The following METTL22 variants were observed in gnomAD, a reference collection of about 807,000 sequenced individuals.
The protein encoded by METTL22 is methyltransferase 22, Kin17 lysine.
A neutral mutation model predicts 48.4 loss-of-function variants in METTL22; 51 were observed. The observed-to-expected ratio is 1.05, with a 90% CI of 0.84 to 1.33. METTL22 has a LOEUF of 1.33. Among genes scored for constraint, METTL22 ranks in the 40% most tolerant of loss-of-function variants. The probability of loss-of-function intolerance (pLI) is 0.00; values close to 1 mark genes in which losing one functional copy is unlikely to be tolerated. For synonymous variants in METTL22, 255 were observed against 214.1 expected (o/e 1.19, Z -1.67); for missense variants, 678 against 526.9 (o/e 1.29, Z -2.81).
At chr16:8,629,465 A>G (rs1031697070) in intron 3 of METTL22, among the ~76,000 whole-genome samples, 9 of 152,112 alleles carry the variant, frequency 5.9e-5, no homozygotes, top group Non-Finnish European at 8.8e-5. Context: ...CTCTTGCTCT[A>G]ACTCAGCGTG....
At chr16:8,623,312 GAA>G (rs567766667) in intron 1 of METTL22, among the ~76,000 whole-genome samples, 23 of 119,466 alleles carry the variant, frequency 1.9e-4, no homozygotes, top group African/African-American at 6.4e-4. Context: ...CTCTGTCTCA[GAA>G]AAAAAAAAAA....
At chr16:8,650,934 G>C (rs951910444), downstream of METTL22, among the ~76,000 whole-genome samples, 5 of 152,162 alleles carry the variant, frequency 3.3e-5, no homozygotes, top group Non-Finnish European at 7.3e-5. Flanking sequence ...TGAGGCAGGA[G>C]AATTGGAACC....
At chr16:8,652,204 A>G (rs2141837694), downstream of METTL22, among the ~76,000 whole-genome samples, 1 of 152,196 alleles carries the variant, frequency 6.6e-6, no homozygotes, top group African/African-American at 2.4e-5. Flanking sequence ...CAAGCCTGTT[A>G]TCCCAGCACT....
At chr16:8,641,253 G>A in intron 7 of METTL22, 69 bp downstream of exon 7, 1 of 1,519,398 alleles carries the variant, frequency 6.6e-7, no homozygotes, top group Non-Finnish European at 9.1e-7. Context: ...AGTGCCCCTG[G>A]CTCTGTGGTT....
At chr16:8,652,458 CAAAAAAAA>C (rs3058559), downstream of METTL22, among the ~76,000 whole-genome samples, 4 of 46,144 alleles carry the variant, frequency 8.7e-5, no homozygotes, top group Non-Finnish European at 1.6e-4. Flanking sequence ...GACTCCGTCT[CAAAAAAAA>C]AAAAAAAAAA....
At position 8,625,658 on chromosome 16, in the gene METTL22, C is replaced by T; in HGVS notation, c.-8C>T. 6.2e-7 allele frequency: 1 copy of T among 1,614,016 alleles called. No homozygotes were observed. The highest frequency in any genetic ancestry group is 1.1e-5 in the South Asian group (1 of 91,078). On this transcript the variant is annotated 5_prime_UTR_variant, in exon 2 of 11. Transcript: ENST00000381920. ...CTCCTGTCCTAGGACTAAGGTGGAGCCTGGGCCATGGTACAGCTGGCTCCT... is the reference window on the plus strand; with the variant it reads ...CTCCTGTCCTAGGACTAAGGTGGAGTCTGGGCCATGGTACAGCTGGCTCCT...
At chr16:8,631,795 C>T (rs1894862) in intron 3 of METTL22, 150,459 of 152,366 alleles carry the variant, frequency 0.99, 74,322 homozygotes, top group Middle Eastern at 1. Context: ...TTTATGTTCT[C>T]ATGATACCTT....
rs1343309694 is a variant in METTL22 at position 8,628,761 on chromosome 16, C to G, written c.165C>G (p.Ser55Arg). The change falls in exon 3 of 11, where the codon AGC becomes AGG. Residue 55 changes from serine to arginine, a missense_variant. Physicochemically the swap from Ser to Arg is moderately radical, Grantham distance 110. Transcript: ENST00000381920. ...TGTCCCAATTCAAGCTTCTATGGAG[C>G]CAAGACTCTTGGACAGATTCAGGAG... ...VFLSQFKLLW[S>R]QDSWTDSGAK... 3 of 1,613,936 alleles carry G rather than the reference C, an allele frequency of 1.9e-6. No individual in the cohort carries two copies. Among genetic ancestry groups the G allele is most frequent in the Admixed American group, 1.7e-5 (1 of 60,010 alleles).
In METTL22 at chr16:8,640,996, G is replaced by A. The variant is rs868857115; in HGVS notation, c.773-135G>A. On this transcript the variant is annotated intron_variant, in intron 6 of 10. Transcript: ENST00000381920. ...TGGCTGGCTGGCTGTAAAGATGGAA[G>A]GGCAGGAAGGTGGATGGGTGAGAGC... The A allele has an allele frequency of 4.6e-5, 32 of 702,722 alleles. No individual in the cohort carries two copies. The African/African-American group carries it at 5.0e-4, about 11-fold the overall frequency. 43.5% of individuals were successfully genotyped at this position (702,722 alleles called of 1,614,324 possible). A position where few individuals can be genotyped will look rare whatever the true frequency, so the allele number is the denominator to read the frequency against.
At chr16:8,622,307 C>A (rs1307590665) in intron 1 of METTL22, among the ~76,000 whole-genome samples, 1 of 152,212 alleles carries the variant, frequency 6.6e-6, no homozygotes, top group Non-Finnish European at 1.5e-5. Context: ...GAAGTTATTT[C>A]AACACCGTGA....
intron 3 of METTL22, among the ~76,000 whole-genome samples, chr16:8,630,081 A>G (rs1340877585): frequency 6.6e-6 from 1 of 152,078 alleles, no homozygotes; most frequent in Non-Finnish European, 1.5e-5. Context: ...AGGGTCCCCG[A>G]TGGTGTCTTG....
intron 5 of METTL22, among the ~76,000 whole-genome samples, chr16:8,636,559 T>C (rs1017407958): frequency 1.3e-5 from 2 of 150,536 alleles, no homozygotes; most frequent in South Asian, 2.1e-4. Context: ...TATATGACTT[T>C]TAATGACCAG....
downstream of METTL22, among the ~76,000 whole-genome samples, chr16:8,650,149 G>C (rs1490859129): frequency 6.6e-6 from 1 of 152,184 alleles, no homozygotes; most frequent in Non-Finnish European, 1.5e-5. Flanking sequence ...AACATACAGA[G>C]ACCCTATCTC....
chr16:8,659,184 A>C, the METTL22 span, among the ~76,000 whole-genome samples: 1 of 152,138 alleles, frequency 6.6e-6, no homozygotes, highest in African/African-American at 2.4e-5. Flanking sequence ...TACAAAAATT[A>C]GTTGGGCACA....
At chr16:8,634,863 A>G in intron 3 of METTL22, among the ~76,000 whole-genome samples, 176 bp from the exon 4 acceptor site, 1 of 152,196 alleles carries the variant, frequency 6.6e-6, no homozygotes, top group East Asian at 1.9e-4. Context: ...GTGGTGCTCA[A>G]AAGTCGCCTC....
intron 5 of METTL22, among the ~76,000 whole-genome samples, chr16:8,635,680 A>G (rs564953252): frequency 2.0e-5 from 3 of 152,382 alleles, no homozygotes; most frequent in South Asian, 2.1e-4. Context: ...TCCTGGGTAT[A>G]GAAGCCTTGC....
At chr16:8,633,359 A>C (rs921363694) in intron 3 of METTL22, among the ~76,000 whole-genome samples, 8 of 152,176 alleles carry the variant, frequency 5.3e-5, no homozygotes, top group South Asian at 2.1e-4. Flanking sequence ...CCACTTTGGG[A>C]GGCCAAAGCA....
At chr16:8,645,389 C>G (rs1324635933) in intron 10 of METTL22, among the ~76,000 whole-genome samples, 1 of 152,158 alleles carries the variant, frequency 6.6e-6, no homozygotes, top group Non-Finnish European at 1.5e-5. Context: ...GTATTTATTG[C>G]TCTGCCACTT....
At chr16:8,665,224 T>C in the METTL22 span, among the ~76,000 whole-genome samples, 1 of 152,102 alleles carries the variant, frequency 6.6e-6, no homozygotes, top group South Asian at 2.1e-4. Context: ...GAGAATCACT[T>C]GAGTTAAGGA....
Sources: allele counts gnomAD v4.1 joint callset (sites outside exome capture counted in the v4.1 genomes callset), GRCh38; gene constraint gnomAD v4.1.1; transcripts MANE v1.5; gene names NCBI Gene and HGNC (gene_info 2026-07-23, HGNC 2026-07-21).